Variants in PDSS2 observed in about 807,000 individuals in gnomAD.
PDSS2 encodes the protein all trans-polyprenyl-diphosphate synthase PDSS2.
PDSS2 carries 31 observed loss-of-function variants against 44.5 expected under a neutral mutation model. That is an observed-to-expected ratio of 0.70 (90% confidence interval 0.52 to 0.94). The LOEUF is 0.94. Among genes scored for constraint, PDSS2 ranks in the 40% least tolerant of loss-of-function variants. The probability of loss-of-function intolerance (pLI) is 0.00; values close to 1 mark genes in which losing one functional copy is unlikely to be tolerated. For missense variants in PDSS2, 452 were observed against 482.2 expected (o/e 0.94, Z 0.59); for synonymous variants, 157 against 180.3 (o/e 0.87, Z 1.03).
chr6:107,373,992 G>A (rs764984462), intron 1 of PDSS2, among the ~76,000 whole-genome samples: 1 of 152,102 alleles, frequency 6.6e-6, no homozygotes, highest in Non-Finnish European at 1.5e-5. Context: ...TGGTGCTCAC[G>A]CCTGTAATCT....
intron 1 of PDSS2, among the ~76,000 whole-genome samples, chr6:107,411,083 G>A (rs1180061984): frequency 6.7e-6 from 1 of 149,940 alleles, no homozygotes; most frequent in Non-Finnish European, 1.5e-5. Context: ...ACAGGGTTTT[G>A]CTATGTTGGC....
intron 1 of PDSS2, among the ~76,000 whole-genome samples, chr6:107,447,094 G>A (rs1237934597): frequency 6.6e-6 from 1 of 152,134 alleles, no homozygotes; most frequent in Non-Finnish European, 1.5e-5. Context: ...AGCACTTTGG[G>A]AGGCTGAGAC....
At chr6:107,203,987 C>T (rs897849705) in intron 6 of PDSS2, among the ~76,000 whole-genome samples, 12 of 151,166 alleles carry the variant, frequency 7.9e-5, no homozygotes, top group South Asian at 2.1e-4. Flanking sequence ...TCTGTCCCCA[C>T]GCTGGAGTGC....
chr6:107,354,540 C>G (rs1778534674), intron 1 of PDSS2, among the ~76,000 whole-genome samples: 1 of 152,088 alleles, frequency 6.6e-6, no homozygotes, highest in Admixed American at 6.6e-5. Context: ...TAAAAGAAGC[C>G]AAGAAACTAT....
chr6:107,408,904 T>C (rs1323430434), intron 1 of PDSS2, among the ~76,000 whole-genome samples: 2 of 152,162 alleles, frequency 1.3e-5, no homozygotes, highest in Non-Finnish European at 2.9e-5. Context: ...CAATACTTCC[T>C]AGTTATTCAT....
intron 1 of PDSS2, among the ~76,000 whole-genome samples, chr6:107,388,447 ATT>A (rs147100917): frequency 1.2e-4 from 16 of 137,238 alleles, no homozygotes; most frequent in Admixed American, 4.4e-4. Flanking sequence ...GTGCATGTGA[ATT>A]TTTTTTTTTT....
At chr6:107,224,122 T>C (rs9486565) in intron 4 of PDSS2, among the ~76,000 whole-genome samples, 1,695 of 151,344 alleles carry the variant, frequency 0.011, 96 homozygotes, top group African/African-American at 0.038. Context: ...TGCTGTATTC[T>C]AGGTGTGCAA....
chr6:107,306,425 T>C (rs1776861736), intron 2 of PDSS2, among the ~76,000 whole-genome samples: 1 of 152,210 alleles, frequency 6.6e-6, no homozygotes, highest in Non-Finnish European at 1.5e-5. Context: ...TCTGCCATGA[T>C]TGTGAGGCTT....
At chr6:107,157,009 C>T (rs1351028678) in intron 7 of PDSS2, among the ~76,000 whole-genome samples, 3 of 152,146 alleles carry the variant, frequency 2.0e-5, no homozygotes, top group African/African-American at 7.2e-5. Flanking sequence ...CAGGTCTGCA[C>T]CCCTGGACTC....
intron 7 of PDSS2, among the ~76,000 whole-genome samples, chr6:107,161,013 C>T: frequency 6.6e-6 from 1 of 152,056 alleles, no homozygotes; most frequent in South Asian, 2.1e-4. Flanking sequence ...GCTGGGATTA[C>T]AGGTGTGAGC....
intron 1 of PDSS2, among the ~76,000 whole-genome samples, chr6:107,418,218 T>A (rs569739143): frequency 6.6e-6 from 1 of 152,126 alleles, no homozygotes; most frequent in Non-Finnish European, 1.5e-5. Flanking sequence ...TTATCCTGGA[T>A]GGACCCAACA....
At chr6:107,307,899 T>C (rs917065140) in intron 2 of PDSS2, among the ~76,000 whole-genome samples, 2 of 152,220 alleles carry the variant, frequency 1.3e-5, no homozygotes, top group African/African-American at 4.8e-5. Context: ...CTCCTCTCTT[T>C]ACAAATGAGT....
At chr6:107,283,459 GC>G (rs1776039516) in intron 2 of PDSS2, among the ~76,000 whole-genome samples, 1 of 152,112 alleles carries the variant, frequency 6.6e-6, no homozygotes, top group Non-Finnish European at 1.5e-5. Flanking sequence ...GGTGGCTCAC[GC>G]CTGTAATTCC....
intron 1 of PDSS2, among the ~76,000 whole-genome samples, chr6:107,378,107 G>T (rs1779345398): frequency 6.8e-6 from 1 of 146,616 alleles, no homozygotes; most frequent in Non-Finnish European, 1.5e-5. Flanking sequence ...AAAAACGACA[G>T]TACACTGGTA....
intron 2 of PDSS2, among the ~76,000 whole-genome samples, chr6:107,304,012 A>G (rs1220957052): frequency 1.3e-5 from 2 of 152,246 alleles, no homozygotes; most frequent in Non-Finnish European, 2.9e-5. Flanking sequence ...TCAGAAAAGA[A>G]AAACAATTCT....
chr6:107,303,367 G>A (rs1170438625), intron 2 of PDSS2, among the ~76,000 whole-genome samples: 1 of 152,184 alleles, frequency 6.6e-6, no homozygotes, highest in African/African-American at 2.4e-5. Context: ...TTTGGACAGA[G>A]ATACAGTGTC....
At chr6:107,197,340 C>T (rs1393773921) in intron 6 of PDSS2, among the ~76,000 whole-genome samples, 1 of 151,718 alleles carries the variant, frequency 6.6e-6, no homozygotes, top group African/African-American at 2.4e-5. Context: ...AAATATGGTA[C>T]GTGCCTGTTG....
At chr6:107,347,983 T>A (rs1008242749) in intron 1 of PDSS2, among the ~76,000 whole-genome samples, 7 of 152,134 alleles carry the variant, frequency 4.6e-5, no homozygotes, top group African/African-American at 1.4e-4. Flanking sequence ...CCACACAGTT[T>A]TCCTTCCTGA....
At chr6:107,312,752 A>C (rs1003862141) in intron 2 of PDSS2, among the ~76,000 whole-genome samples, 11 of 152,158 alleles carry the variant, frequency 7.2e-5, no homozygotes, top group African/African-American at 2.4e-4. Context: ...GGGTAGAAGG[A>C]AGAAGGGAGG....
Sources: gnomAD v4.1 joint callset for allele counts (sites outside exome capture counted in the v4.1 genomes callset) on GRCh38, gnomAD v4.1.1 for gene constraint, MANE v1.5 for transcripts, NCBI Gene and HGNC (gene_info 2026-07-23, HGNC 2026-07-21) for gene names.